NEDD4L: variants seen among roughly 807,000 people sequenced by gnomAD.
NEDD4L encodes the protein E3 ubiquitin-protein ligase NEDD4-like.
Under a neutral mutation model 148.9 loss-of-function variants are expected in NEDD4L, and 54 were observed. That is an observed-to-expected ratio of 0.36 (90% CI 0.29 to 0.45). NEDD4L has a LOEUF of 0.45. NEDD4L is among the 20% of genes least tolerant of loss of function. The pLI is 1.00. For missense variants in NEDD4L, 856 were observed against 1,233.8 expected (o/e 0.69, Z 4.59); for synonymous variants, 433 against 440.7 (o/e 0.98, Z 0.22).
intron 16 of NEDD4L, 85 bp downstream of exon 16, chr18:58,343,188 G>C (rs745366636): frequency 4.9e-5 from 62 of 1,262,162 alleles, no homozygotes; most frequent in Middle Eastern, 4.0e-4. Flanking sequence ...TGTAGTTCTT[G>C]CAGAGGAATT....
chr18:58,272,362 G>A (rs1238989699), intron 5 of NEDD4L, among the ~76,000 whole-genome samples: 4 of 152,144 alleles, frequency 2.6e-5, no homozygotes, highest in African/African-American at 2.4e-5. Context: ...AAGGCCAGGC[G>A]TAGTGACTCA....
intron 2 of NEDD4L, among the ~76,000 whole-genome samples, chr18:58,168,987 C>T (rs1297468927): frequency 1.3e-5 from 2 of 151,982 alleles, no homozygotes; most frequent in African/African-American, 4.8e-5. Flanking sequence ...AGGAGTGGAG[C>T]ACGTCATCTC....
chr18:58,239,185 C>A (rs143283074), intron 2 of NEDD4L, among the ~76,000 whole-genome samples: 1 of 152,352 alleles, frequency 6.6e-6, no homozygotes, highest in African/African-American at 2.4e-5. Flanking sequence ...GTGAAATATG[C>A]TGCATCCATG....
At chr18:58,307,170 C>T (rs554529015) in intron 5 of NEDD4L, among the ~76,000 whole-genome samples, 22 of 152,206 alleles carry the variant, frequency 1.4e-4, no homozygotes, top group Middle Eastern at 6.8e-3. Flanking sequence ...CTGACCGACC[C>T]GCACACTGGG....
At chr18:58,276,689 TA>T (rs2052081572) in intron 5 of NEDD4L, among the ~76,000 whole-genome samples, 4 of 122,426 alleles carry the variant, frequency 3.3e-5, no homozygotes, top group African/African-American at 1.4e-4. Flanking sequence ...ATAATAATAA[TA>T]ATAATATTAT....
At chr18:58,155,794 G>A (rs767871862) in intron 1 of NEDD4L, among the ~76,000 whole-genome samples, 14 of 152,172 alleles carry the variant, frequency 9.2e-5, no homozygotes, top group Non-Finnish European at 1.9e-4. Flanking sequence ...AGGGAAGTGA[G>A]GAATCAGGGA....
At chr18:58,083,700 A>AAAC (rs2083591635) in intron 1 of NEDD4L, among the ~76,000 whole-genome samples, 2 of 152,164 alleles carry the variant, frequency 1.3e-5, no homozygotes, top group African/African-American at 4.8e-5. Context: ...AAAACAAAAA[A>AAAC]AACAAAACAA....
At chr18:58,365,976 G>A (rs369798637) in intron 20 of NEDD4L, 23 bp from the exon 21 acceptor site, 3 of 1,524,124 alleles carry the variant, frequency 2.0e-6, no homozygotes, top group Admixed American at 1.8e-5. Context: ...ATGATTATGT[G>A]TTTTCTTTTG....
Position 58,389,201 on chromosome 18 carries a change from G to A in NEDD4L, c.2655+9G>A, listed in dbSNP as rs112196694. 7,589 of 1,603,368 alleles carry A rather than the reference G, an allele frequency of 4.7e-3. 263 individuals carry two copies. The African/African-American group carries it at 0.08, about 17-fold the overall frequency. On this transcript the variant is annotated intron_variant, in intron 28 of 30. Transcript: ENST00000400345. Reference sequence around the variant, plus strand: ...TTCAGTGGTTCTGGAAGGTAACTCCGGGGCCCAGCCCCAGCCGGTGTCCTC... The same window carrying A: ...TTCAGTGGTTCTGGAAGGTAACTCCAGGGCCCAGCCCCAGCCGGTGTCCTC...
At chr18:58,081,399 T>G (rs1250066275) in intron 1 of NEDD4L, among the ~76,000 whole-genome samples, 2 of 151,948 alleles carry the variant, frequency 1.3e-5, no homozygotes, top group African/African-American at 2.4e-5. Context: ...ATATTTTTAG[T>G]AGAGACGGGG....
At chr18:58,107,860 G>A (rs895973941) in intron 1 of NEDD4L, among the ~76,000 whole-genome samples, 1 of 152,110 alleles carries the variant, frequency 6.6e-6, no homozygotes, top group Non-Finnish European at 1.5e-5. Flanking sequence ...CTACAGGTAC[G>A]CATGCCACTA....
chr18:58,256,856 C>A lies in NEDD4L; in HGVS notation c.297+4802C>A. On this transcript the variant is annotated intron_variant, in intron 5 of 30. Coordinates refer to ENST00000400345, the MANE Select transcript of NEDD4L (RefSeq NM_001144967.3). This position sits in a 1 kb window ranked among gnomAD's most constrained non-coding sequence, Gnocchi z 5.2. ...GCGGCGTAACCAAAATAAAACCTCA[C>A]CCTCTGTTCCGGGAGTTTCCCTGCT... 1 of 1,167,134 alleles carries A rather than the reference C, an allele frequency of 8.6e-7. No individual in the cohort carries two copies. Among genetic ancestry groups the A allele is most frequent in the Non-Finnish European group, 1.1e-6 (1 of 929,470 alleles). The allele number at this position is 1,167,134 out of a possible 1,614,324, so 72.3% of individuals were successfully genotyped here.
intron 1 of NEDD4L, among the ~76,000 whole-genome samples, chr18:58,140,165 C>G (rs1366975620): frequency 6.6e-6 from 1 of 152,192 alleles, no homozygotes; most frequent in Non-Finnish European, 1.5e-5. Flanking sequence ...GGGCCCCGAT[C>G]TAGCTAAGGA....
chr18:58,324,649 C>T (rs1225309438), intron 8 of NEDD4L, among the ~76,000 whole-genome samples: 8 of 152,118 alleles, frequency 5.3e-5, no homozygotes, highest in African/African-American at 1.9e-4. Flanking sequence ...CCTTGGAGGC[C>T]CTCCAGTCAA....
At chr18:58,084,538 A>AT (rs2083644966) in intron 1 of NEDD4L, among the ~76,000 whole-genome samples, 1 of 152,170 alleles carries the variant, frequency 6.6e-6, no homozygotes, top group Non-Finnish European at 1.5e-5. Flanking sequence ...AACAGTAACC[A>AT]TTTATTTTCT....
chr18:58,382,930 C>A (rs2048538194), intron 24 of NEDD4L, among the ~76,000 whole-genome samples: 1 of 152,148 alleles, frequency 6.6e-6, no homozygotes, highest in Non-Finnish European at 1.5e-5. Flanking sequence ...GTTCTTTTCT[C>A]TGTTAAACAT....
At chr18:58,344,467 A>G (rs1403817088) in intron 16 of NEDD4L, among the ~76,000 whole-genome samples, 1 of 152,208 alleles carries the variant, frequency 6.6e-6, no homozygotes, top group Non-Finnish European at 1.5e-5. Flanking sequence ...GAAATGCCCT[A>G]CACATTTCAA....
Position 58,131,281 on chromosome 18 carries a change from T to A in NEDD4L, c.49-34507T>A, listed in dbSNP as rs927012480. 6.2e-5 allele frequency among the ~76,000 whole-genome samples: 9 copies of A among 145,298 alleles called. No homozygotes were observed. In the East Asian group the frequency reaches 1.9e-3, roughly 30 times the overall value. On this transcript the variant is annotated intron_variant, in intron 1 of 30. Coordinates refer to ENST00000400345, the MANE Select transcript of NEDD4L (RefSeq NM_001144967.3). ...GGAACTGTGGCGGTGTTGGGCTCTG[T>A]GGGTTTGGTTGTGATCTAGCAGAAC...
Position 58,268,337 on chromosome 18 carries a change from C to T in NEDD4L, c.297+16283C>T, listed in dbSNP as rs151103481. ...GAGAAGGCAGATGTTTCTTTCAGAC[C>T]TTTAAAGATGTCAGACTCTCAGTCA... is the stretch of plus-strand genomic sequence containing the variant. On this transcript the variant is annotated intron_variant, in intron 5 of 30. Coordinates refer to ENST00000400345, the MANE Select transcript of NEDD4L (RefSeq NM_001144967.3). 2.3e-3 allele frequency among the ~76,000 whole-genome samples: 354 copies of T among 151,988 alleles called. 7 individuals are homozygous for T. The highest frequency in any genetic ancestry group is 3.8e-3 in the Non-Finnish European group (259 of 67,892).
Sources: allele counts gnomAD v4.1 joint callset (sites outside exome capture counted in the v4.1 genomes callset), GRCh38; gene constraint gnomAD v4.1.1; non-coding constraint Gnocchi (gnomAD v3.1); transcripts MANE v1.5; gene names NCBI Gene and HGNC (gene_info 2026-07-23, HGNC 2026-07-21).